Variants in MEI4 observed in about 807,000 individuals in gnomAD.
MEI4 encodes meiosis-specific protein MEI4.
Under a neutral mutation model 31.4 loss-of-function variants are expected in MEI4, and 27 were observed. The ratio of observed to expected loss-of-function variants is 0.86; its 90% confidence interval spans 0.63 to 1.19. MEI4 has a LOEUF of 1.19. Among genes scored for constraint, MEI4 ranks in the 50% most tolerant of loss-of-function variants. The pLI, the probability that MEI4 is intolerant of heterozygous loss-of-function variation, is 0.00. For synonymous variants in MEI4, 122 were observed against 145.4 expected, an observed-to-expected ratio of 0.84 and a Z score of 1.16; for missense variants, 329 against 398.9, an observed-to-expected ratio of 0.82 and a Z score of 1.49.
At chr6:77,846,513 G>C (rs1770491201) in intron 4 of MEI4, among the ~76,000 whole-genome samples, 1 of 151,960 alleles carries the variant, frequency 6.6e-6, no homozygotes, top group Non-Finnish European at 1.5e-5. Flanking sequence ...ATCATTTACT[G>C]TTTCTCATAG....
In MEI4 at chr6:77,755,130, G is replaced by T. The variant is rs9448202; in HGVS notation, c.233-6000G>T. On this transcript the variant is annotated intron_variant, in intron 2 of 4. Coordinates refer to ENST00000684080, the MANE Select transcript of MEI4 (RefSeq NM_001322247.2). ...AGGATCCCTTGAGAGCAGGAATCAA[G>T]ATTTGAGACCAACCTGGGCAACAAG... 7.0e-3 allele frequency among the ~76,000 whole-genome samples: 1,061 copies of T among 152,114 alleles called. 13 individuals are homozygous for T. The highest frequency in any genetic ancestry group is 0.024 in the African/African-American group (1,001 of 41,502).
chr6:77,760,456 T>G (rs1279946033), intron 2 of MEI4, among the ~76,000 whole-genome samples: 1 of 149,898 alleles, frequency 6.7e-6, no homozygotes, highest in Non-Finnish European at 1.5e-5. Context: ...TTATATTATC[T>G]TTTATGATCT....
At chr6:77,665,735 C>T (rs571702479) in intron 1 of MEI4, among the ~76,000 whole-genome samples, 1 of 152,000 alleles carries the variant, frequency 6.6e-6, no homozygotes, top group South Asian at 2.1e-4. Context: ...CTTTGTCTCG[C>T]CCGGAAAATG....
At chr6:77,782,502 A>T (rs1413928857) in intron 3 of MEI4, among the ~76,000 whole-genome samples, 1 of 152,198 alleles carries the variant, frequency 6.6e-6, no homozygotes, top group East Asian at 1.9e-4. Context: ...AAATACAAAA[A>T]TGAAAGGATT....
intron 2 of MEI4, among the ~76,000 whole-genome samples, chr6:77,742,929 G>A (rs1767459483): frequency 6.6e-6 from 1 of 152,018 alleles, no homozygotes; most frequent in Non-Finnish European, 1.5e-5. Flanking sequence ...TTAGATAGTT[G>A]TAGATATGCG....
chr6:77,896,962 A>G (rs1766094994), intron 4 of MEI4, among the ~76,000 whole-genome samples: 1 of 152,058 alleles, frequency 6.6e-6, no homozygotes, highest in Admixed American at 6.6e-5. Context: ...AATAACAGAC[A>G]GTAGATAACA....
At chr6:77,656,690 GGTT>G (rs1159486345) in intron 1 of MEI4, among the ~76,000 whole-genome samples, 2 of 152,066 alleles carry the variant, frequency 1.3e-5, no homozygotes, top group African/African-American at 4.8e-5. Flanking sequence ...GTTCTCAAGA[GGTT>G]GTTGTTTCCT....
At chr6:77,851,747 C>T (rs1307733841) in intron 4 of MEI4, among the ~76,000 whole-genome samples, 6 of 151,628 alleles carry the variant, frequency 4.0e-5, no homozygotes, top group South Asian at 2.1e-4. Flanking sequence ...CAAACCTGAA[C>T]GTTGTGCACA....
At chr6:77,805,717 G>T (rs999309058) in intron 3 of MEI4, among the ~76,000 whole-genome samples, 84 of 152,042 alleles carry the variant, frequency 5.5e-4, no homozygotes, top group African/African-American at 2.0e-3. Flanking sequence ...AAAGGATAAT[G>T]GTAAATAGAT....
At chr6:77,907,837 C>T (rs900048692) in intron 4 of MEI4, among the ~76,000 whole-genome samples, 6 of 151,998 alleles carry the variant, frequency 3.9e-5, no homozygotes, top group African/African-American at 1.4e-4. Context: ...TAATGATCAC[C>T]ATTCTCATTG....
At chr6:77,916,896 T>A (rs1766568147) in intron 4 of MEI4, among the ~76,000 whole-genome samples, 1 of 151,486 alleles carries the variant, frequency 6.6e-6, no homozygotes. Flanking sequence ...ATTAGGTATA[T>A]CTCCCAATGC....
At chr6:77,904,807 A>G (rs915794483) in intron 4 of MEI4, among the ~76,000 whole-genome samples, 2 of 151,892 alleles carry the variant, frequency 1.3e-5, no homozygotes, top group African/African-American at 4.8e-5. Flanking sequence ...ATCTCCCCAC[A>G]TTTTATGTTT....
At chr6:77,887,520 C>T (rs1176377046) in intron 4 of MEI4, among the ~76,000 whole-genome samples, 1 of 152,114 alleles carries the variant, frequency 6.6e-6, no homozygotes, top group Non-Finnish European at 1.5e-5. Flanking sequence ...TGGTCTCGAA[C>T]TCCTGACCTC....
chr6:77,687,377 A>T (rs1769077292), intron 1 of MEI4, among the ~76,000 whole-genome samples: 1 of 152,166 alleles, frequency 6.6e-6, no homozygotes. Context: ...ATCTTTCCTC[A>T]GTGAAACAGA....
intron 2 of MEI4, among the ~76,000 whole-genome samples, chr6:77,732,855 C>T (rs993525081): frequency 6.6e-6 from 1 of 151,944 alleles, no homozygotes; most frequent in African/African-American, 2.4e-5. Flanking sequence ...TGAATTTTGT[C>T]AAAGGCCTTT....
At chr6:77,838,519 A>G (rs1306642232) in intron 4 of MEI4, among the ~76,000 whole-genome samples, 1 of 152,190 alleles carries the variant, frequency 6.6e-6, no homozygotes, top group Non-Finnish European at 1.5e-5. Flanking sequence ...CTAAAATGTG[A>G]CTTACGGTAC....
intron 4 of MEI4, among the ~76,000 whole-genome samples, chr6:77,866,964 C>G (rs1043656070): frequency 6.6e-6 from 1 of 152,154 alleles, no homozygotes; most frequent in East Asian, 1.9e-4. Flanking sequence ...CAAAAACAAG[C>G]AATGGGGAAA....
chr6:77,697,811 C>A (rs1766092329), intron 2 of MEI4, among the ~76,000 whole-genome samples: 1 of 152,228 alleles, frequency 6.6e-6, no homozygotes, highest in Admixed American at 6.5e-5. Flanking sequence ...AGTTCAATTC[C>A]TGGGTATCCT....
intron 3 of MEI4, among the ~76,000 whole-genome samples, chr6:77,768,670 C>T (rs1582122309): frequency 6.7e-6 from 1 of 150,012 alleles, no homozygotes. Flanking sequence ...ACTGCACTCC[C>T]GCCTGGGTGA....
Sources: allele counts gnomAD v4.1 joint callset (sites outside exome capture counted in the v4.1 genomes callset), GRCh38; gene constraint gnomAD v4.1.1; transcripts MANE v1.5; gene names NCBI Gene and HGNC (gene_info 2026-07-23, HGNC 2026-07-21).